Variants in TOX observed in about 807,000 individuals in gnomAD.
The protein encoded by TOX is thymocyte selection-associated high mobility group box protein TOX.
In TOX, 11 loss-of-function variants were observed where a neutral mutation model predicts 53.7. The ratio of observed to expected loss-of-function variants is 0.20; its 90% CI spans 0.13 to 0.34. The LOEUF (loss-of-function observed/expected upper bound fraction) is 0.34, where lower values mean the gene tolerates loss of function less well. Among genes scored for constraint, TOX ranks in the 10% least tolerant of loss-of-function variants. TOX has a pLI of 1.00. For missense variants in TOX, 570 were observed against 664.6 expected (o/e 0.86, Z 1.56); for synonymous variants, 225 against 245.3 (o/e 0.92, Z 0.77).
intron 1 of TOX, among the ~76,000 whole-genome samples, chr8:58,975,973 G>A (rs529838726): frequency 6.6e-6 from 1 of 152,224 alleles, no homozygotes. Flanking sequence ...TCAGGAGGCT[G>A]AGGCAAGAGA....
Position 58,903,240 on chromosome 8 carries a change from TG to T in TOX, c.411+36061del, listed in dbSNP as rs531152751. On this transcript the variant is annotated intron_variant, in intron 3 of 8. Transcript: ENST00000361421. Reference sequence around the variant, plus strand: ...ACACAGTTAAGCAAATGTTCTAAGATGGGTGTTAAGGGAGTTTATGATATTA... The same window carrying T: ...ACACAGTTAAGCAAATGTTCTAAGATGGTGTTAAGGGAGTTTATGATATTA... 1.8e-3 allele frequency among the ~76,000 whole-genome samples: 273 copies of T among 152,290 alleles called. 1 individual carries two copies. Among genetic ancestry groups the T allele is most frequent in the African/African-American group, 6.2e-3 (257 of 41,558 alleles).
At chr8:59,080,348 T>C (rs1186608466) in intron 1 of TOX, among the ~76,000 whole-genome samples, 5 of 152,096 alleles carry the variant, frequency 3.3e-5, no homozygotes, top group Non-Finnish European at 5.9e-5. Flanking sequence ...CTGTGCCCCA[T>C]TGTGTCTTGG....
At chr8:59,008,688 G>A (rs752277614) in intron 1 of TOX, among the ~76,000 whole-genome samples, 6 of 152,136 alleles carry the variant, frequency 3.9e-5, no homozygotes, top group African/African-American at 1.2e-4. Context: ...ACTTTTCCCC[G>A]AGAAGTCTCA....
intron 1 of TOX, among the ~76,000 whole-genome samples, chr8:58,963,106 A>G (rs1812828912): frequency 6.6e-6 from 1 of 152,124 alleles, no homozygotes; most frequent in African/African-American, 2.4e-5. Context: ...TCAGTCTTTC[A>G]CTGTTTTGGG....
chr8:58,934,111 G>T (rs533714152), intron 3 of TOX, among the ~76,000 whole-genome samples: 1 of 152,178 alleles, frequency 6.6e-6, no homozygotes, highest in Non-Finnish European at 1.5e-5. Flanking sequence ...GTTTAACTTG[G>T]ACCTAGAGAA....
chr8:58,946,091 T>C (rs1259918234), intron 2 of TOX, among the ~76,000 whole-genome samples: 4 of 152,164 alleles, frequency 2.6e-5, no homozygotes, highest in African/African-American at 9.7e-5. Context: ...GAAAGATAAA[T>C]AAATAGTACT....
intron 1 of TOX, among the ~76,000 whole-genome samples, chr8:58,998,525 A>G (rs375605697): frequency 1.7e-5 from 1 of 58,808 alleles, no homozygotes; most frequent in African/African-American, 7.7e-5. Flanking sequence ...ATATATATAT[A>G]TATATATATA....
intron 1 of TOX, among the ~76,000 whole-genome samples, chr8:59,098,596 G>C (rs1031123378): frequency 1.3e-5 from 2 of 152,060 alleles, no homozygotes; most frequent in African/African-American, 2.4e-5. Flanking sequence ...GCCTGAATCA[G>C]AAAGGCTAGG....
chr8:58,808,097 T>G (rs774079408), intron 8 of TOX, 21 bp downstream of exon 8: 157 of 1,601,444 alleles, frequency 9.8e-5, no homozygotes, highest in Middle Eastern at 6.7e-4. Flanking sequence ...CACCACCAGG[T>G]GGCGATGACC....
chr8:58,907,773 A>T (rs1480566312), intron 3 of TOX, among the ~76,000 whole-genome samples: 3 of 152,194 alleles, frequency 2.0e-5, no homozygotes, highest in Admixed American at 6.5e-5. Flanking sequence ...GGTTTAATTA[A>T]TGCCAACTTA....
chr8:59,074,142 C>T (rs147907466), intron 1 of TOX, among the ~76,000 whole-genome samples: 13 of 152,258 alleles, frequency 8.5e-5, no homozygotes, highest in Non-Finnish European at 1.8e-4. Context: ...AACATGCTGT[C>T]TATCTGTTCT....
chr8:58,946,483 G>T lies in TOX; in HGVS notation c.169-6939C>A, dbSNP rs183557760. Among the ~76,000 whole-genome samples, 508 of 152,214 alleles carry T rather than the reference G, an allele frequency of 3.3e-3. 3 individuals carry two copies. Among genetic ancestry groups the T allele is most frequent in the African/African-American group, 0.011 (476 of 41,548 alleles). On this transcript the variant is annotated intron_variant, in intron 2 of 8. Coordinates refer to ENST00000361421, the MANE Select transcript of TOX (RefSeq NM_014729.3). Reference sequence around the variant, plus strand: ...TAATGTATTACTGTGGAAAGCTTCGGTCTGTTCCATAAATCATCTTAACGC... The same window carrying T: ...TAATGTATTACTGTGGAAAGCTTCGTTCTGTTCCATAAATCATCTTAACGC...
At position 58,851,994 on chromosome 8, in the gene TOX, T is replaced by C. The variant is rs1197175834; in HGVS notation, c.412-189A>G. On this transcript the variant is annotated intron_variant, in intron 3 of 8. Coordinates refer to ENST00000361421, the MANE Select transcript of TOX (RefSeq NM_014729.3). This position sits in a 1 kb window ranked among gnomAD's most constrained non-coding sequence, Gnocchi z 4.4. ...GTATATATCACCATAAAGGATAGCATAAGACTACCAAAAGACTGGAATTTG... is the reference window on the plus strand; with the variant it reads ...GTATATATCACCATAAAGGATAGCACAAGACTACCAAAAGACTGGAATTTG... Among the ~76,000 whole-genome samples, 2 of 152,030 alleles carry C rather than the reference T, an allele frequency of 1.3e-5. No individual in the cohort carries two copies. The highest frequency in any genetic ancestry group is 2.4e-5 in the African/African-American group (1 of 41,420).
intron 1 of TOX, among the ~76,000 whole-genome samples, chr8:59,017,611 T>C (rs1183715757): frequency 6.6e-6 from 1 of 152,202 alleles, no homozygotes; most frequent in Non-Finnish European, 1.5e-5. Flanking sequence ...AAACATGTTT[T>C]TAAAACTTAA....
In TOX at chr8:58,930,004, G is replaced by T. The variant is rs1812233977; in HGVS notation, c.411+9298C>A. Among the ~76,000 whole-genome samples, 4 of 152,224 alleles carry T rather than the reference G, an allele frequency of 2.6e-5. No homozygotes were observed. The South Asian group carries it at 8.3e-4, about 32-fold the overall frequency. Reference sequence around the variant, plus strand: ...TTGTCAAATACATCAATTTAATAGTGGAATAGGTTAGAAATGATCAGTAGT... The same window carrying T: ...TTGTCAAATACATCAATTTAATAGTTGAATAGGTTAGAAATGATCAGTAGT... On this transcript the variant is annotated intron_variant, in intron 3 of 8. Transcript: ENST00000361421.
At chr8:58,993,803 T>C (rs569728833) in intron 1 of TOX, among the ~76,000 whole-genome samples, 75 of 152,206 alleles carry the variant, frequency 4.9e-4, no homozygotes, top group African/African-American at 1.7e-3. Context: ...GCATTCTCAG[T>C]TTACTGTAGA....
chr8:59,073,563 C>T (rs762296827), intron 1 of TOX, among the ~76,000 whole-genome samples: 5 of 151,766 alleles, frequency 3.3e-5, no homozygotes, highest in Non-Finnish European at 5.9e-5. Context: ...TTTTTTTAAT[C>T]TTGTTTTTTT....
rs908372870 is a variant in TOX, at chr8:58,963,347, A to G, written c.103-3339T>C. 4.0e-5 allele frequency among the ~76,000 whole-genome samples: 6 copies of G among 151,118 alleles called. No individual in the cohort carries two copies. In the East Asian group the frequency reaches 5.8e-4, roughly 15 times the overall value. On this transcript the variant is annotated intron_variant, in intron 1 of 8. Coordinates refer to ENST00000361421, the MANE Select transcript of TOX (RefSeq NM_014729.3). ...GATAGATAGATAGATAGATAGGTAG[A>G]TAGATAGACAGACAGATACATAGAT...
chr8:59,109,688 T>C (rs1804978100), intron 1 of TOX, among the ~76,000 whole-genome samples: 1 of 152,154 alleles, frequency 6.6e-6, no homozygotes, highest in Admixed American at 6.6e-5. Context: ...AAATATAATG[T>C]TGGTTATAAC....
Sources: allele counts gnomAD v4.1 joint callset (sites outside exome capture counted in the v4.1 genomes callset), GRCh38; gene constraint gnomAD v4.1.1; non-coding constraint Gnocchi (gnomAD v3.1); transcripts MANE v1.5; gene names NCBI Gene and HGNC (gene_info 2026-07-23, HGNC 2026-07-21).